Variants in GABBR2 observed in about 807,000 individuals in gnomAD.
The protein encoded by GABBR2 is gamma-aminobutyric acid type B receptor subunit 2.
Under a neutral mutation model 105.6 loss-of-function variants are expected in GABBR2, and 23 were observed. The ratio of observed to expected loss-of-function variants is 0.22; its 90% CI spans 0.16 to 0.31. The LOEUF (loss-of-function observed/expected upper bound fraction) is 0.31, where lower values mean the gene tolerates loss of function less well. GABBR2 is among the 10% of genes least tolerant of loss of function. The probability of loss-of-function intolerance (pLI) is 1.00; values close to 1 mark genes in which losing one functional copy is unlikely to be tolerated. For missense variants in GABBR2, 734 were observed against 1,245.5 expected (o/e 0.59, Z 6.18); for synonymous variants, 478 against 499.7 (o/e 0.96, Z 0.58).
chr9:98,498,683 A>G (rs914499262), intron 3 of GABBR2, among the ~76,000 whole-genome samples: 1 of 152,260 alleles, frequency 6.6e-6, no homozygotes. Flanking sequence ...TTGTAAAAAG[A>G]AAGATGCTGT....
At chr9:98,512,102 C>T (rs1460584144) in intron 3 of GABBR2, among the ~76,000 whole-genome samples, 2 of 151,956 alleles carry the variant, frequency 1.3e-5, no homozygotes, top group Admixed American at 1.3e-4. Flanking sequence ...GCTGGTTCAA[C>T]ATATGAAAAT....
At position 98,290,361 on chromosome 9, in the gene GABBR2, C is replaced by T. The variant is rs991191909; in HGVS notation, c.*223G>A. 7 of 237,058 alleles carry T rather than the reference C, an allele frequency of 3.0e-5. No homozygotes were observed. The highest frequency in any genetic ancestry group is 5.7e-5 in the Non-Finnish European group (7 of 123,656). The allele number at this position is 237,058 out of a possible 1,614,324, so 14.7% of individuals were successfully genotyped here. A position where few individuals can be genotyped will look rare whatever the true frequency, so the allele number is the denominator to read the frequency against. On this transcript the variant is annotated 3_prime_UTR_variant, in exon 19 of 19. Transcript: ENST00000259455. ...AGGAAGACGTCCCATTTCCGTTCCTCTTCTTTGTGAAGAAATAAGGACTTC... is the reference window on the plus strand; with the variant it reads ...AGGAAGACGTCCCATTTCCGTTCCTTTTCTTTGTGAAGAAATAAGGACTTC...
At chr9:98,312,784 C>T (rs1830655907) in intron 13 of GABBR2, among the ~76,000 whole-genome samples, 1 of 152,112 alleles carries the variant, frequency 6.6e-6, no homozygotes, top group Non-Finnish European at 1.5e-5. Flanking sequence ...GATAGAGTCT[C>T]TGTCACCCAG....
chr9:98,667,623 C>T (rs1588275708), intron 1 of GABBR2, among the ~76,000 whole-genome samples: 1 of 152,190 alleles, frequency 6.6e-6, no homozygotes, highest in East Asian at 1.9e-4. Flanking sequence ...CAGCTGAGGC[C>T]TCTGCTGCAA....
intron 3 of GABBR2, among the ~76,000 whole-genome samples, chr9:98,524,544 T>C (rs1827924047): frequency 6.6e-6 from 1 of 152,194 alleles, no homozygotes; most frequent in Non-Finnish European, 1.5e-5. Flanking sequence ...GTTGACCCCC[T>C]TCATGGAAAC....
At chr9:98,450,398 G>A (rs984006148) in intron 7 of GABBR2, among the ~76,000 whole-genome samples, 8 of 151,942 alleles carry the variant, frequency 5.3e-5, no homozygotes, top group South Asian at 2.1e-4. Context: ...CAATTTTAAC[G>A]AAACCTGTCT....
intron 1 of GABBR2, among the ~76,000 whole-genome samples, chr9:98,699,290 C>A (rs901714603): frequency 6.6e-6 from 1 of 152,048 alleles, no homozygotes; most frequent in African/African-American, 2.4e-5. Context: ...TTGTCAGAGA[C>A]GAAGAAAATG....
intron 3 of GABBR2, among the ~76,000 whole-genome samples, chr9:98,512,702 T>C (rs1169364897): frequency 2.6e-5 from 4 of 151,982 alleles, no homozygotes; most frequent in East Asian, 1.9e-4. Flanking sequence ...TTACAAGGGA[T>C]GTGAAGGACC....
In GABBR2 at chr9:98,388,684, CA is replaced by C. The variant is rs1832122393; in HGVS notation, c.1529+169del. On this transcript the variant is annotated intron_variant, in intron 10 of 18. Transcript: ENST00000259455. The surrounding 1 kb of genome is among the most constrained non-coding windows in gnomAD (Gnocchi z 4.4). Reference sequence around the variant, plus strand: ...GTGCGTGCACGCACACACACGTACTCACATGCATGTAACACCTACAACATCC... The same window carrying C: ...GTGCGTGCACGCACACACACGTACTCCATGCATGTAACACCTACAACATCC... Among the ~76,000 whole-genome samples, 1 of 151,406 alleles carries C rather than the reference CA, an allele frequency of 6.6e-6. No homozygotes were observed. Among genetic ancestry groups the C allele is most frequent in the South Asian group, 2.1e-4 (1 of 4,786 alleles).
chr9:98,484,245 C>G (rs1826992330), intron 4 of GABBR2, among the ~76,000 whole-genome samples: 1 of 152,186 alleles, frequency 6.6e-6, no homozygotes, highest in African/African-American at 2.4e-5. Context: ...GTTGCAAGGA[C>G]CACTTTGTTC....
intron 16 of GABBR2, among the ~76,000 whole-genome samples, chr9:98,301,822 C>A (rs1186494576): frequency 6.6e-6 from 1 of 152,104 alleles, no homozygotes; most frequent in Non-Finnish European, 1.5e-5. Flanking sequence ...CTTTGGGGGA[C>A]AGAAACCCTT....
At chr9:98,558,833 G>A (rs898220490) in intron 2 of GABBR2, among the ~76,000 whole-genome samples, 2 of 152,184 alleles carry the variant, frequency 1.3e-5, no homozygotes, top group African/African-American at 4.8e-5. Flanking sequence ...AAGCACTCAG[G>A]GATCTGAACC....
chr9:98,445,014 ATTAT>A (rs1826101174), intron 7 of GABBR2, among the ~76,000 whole-genome samples: 1 of 152,200 alleles, frequency 6.6e-6, no homozygotes, highest in Non-Finnish European at 1.5e-5. Flanking sequence ...GTCAGTTCTG[ATTAT>A]TTATCGGGTT....
intron 1 of GABBR2, among the ~76,000 whole-genome samples, chr9:98,596,453 C>T (rs16917637): frequency 0.097 from 14,798 of 152,114 alleles, 1,996 homozygotes; most frequent in African/African-American, 0.31. Flanking sequence ...GTTCCCTTCT[C>T]GGGCTTCACA....
At chr9:98,654,696 A>T (rs146052970) in intron 1 of GABBR2, among the ~76,000 whole-genome samples, 4,192 of 152,290 alleles carry the variant, frequency 0.028, 61 homozygotes, top group African/African-American at 0.034. Flanking sequence ...GTCCAAGAGG[A>T]GAGAACTACA....
At chr9:98,325,277 GCAATT>G (rs796223161) in intron 13 of GABBR2, among the ~76,000 whole-genome samples, 29 of 140,610 alleles carry the variant, frequency 2.1e-4, no homozygotes, top group African/African-American at 7.2e-4. Context: ...CTCTAGGACA[GCAATT>G]CTTTTTTTTT....
intron 1 of GABBR2, among the ~76,000 whole-genome samples, chr9:98,698,238 A>C (rs1016630856): frequency 2.0e-5 from 3 of 152,240 alleles, no homozygotes; most frequent in Non-Finnish European, 4.4e-5. Context: ...TGCTTCCGCC[A>C]GCAGCTGTGG....
rs983937598 is a variant in GABBR2 at position 98,289,545 on chromosome 9, C to T, written c.*1039G>A. The T allele has an allele frequency of 2.6e-5, 4 of 152,426 alleles. No individual in the cohort carries two copies. Among genetic ancestry groups the T allele is most frequent in the African/African-American group, 9.7e-5 (4 of 41,370 alleles). 9.4% of individuals were successfully genotyped at this position (152,426 alleles called of 1,614,324 possible). A position where few individuals can be genotyped will look rare whatever the true frequency, so the allele number is the denominator to read the frequency against. Reference sequence around the variant, plus strand: ...GCTGCCTTCTGGAAGCCAAGGGAAGCCCTCAGCCAGCAACTCTCTCCCCTA... The same window carrying T: ...GCTGCCTTCTGGAAGCCAAGGGAAGTCCTCAGCCAGCAACTCTCTCCCCTA... On this transcript the variant is annotated 3_prime_UTR_variant, in exon 19 of 19. Coordinates refer to ENST00000259455, the MANE Select transcript of GABBR2 (RefSeq NM_005458.8).
At chr9:98,499,936 C>T (rs2808560) in intron 3 of GABBR2, among the ~76,000 whole-genome samples, 8,120 of 152,258 alleles carry the variant, frequency 0.053, 313 homozygotes, top group South Asian at 0.13. Context: ...GCCTGTAATC[C>T]CAGCTACTTG....
Sources: allele counts gnomAD v4.1 joint callset (sites outside exome capture counted in the v4.1 genomes callset), GRCh38; gene constraint gnomAD v4.1.1; non-coding constraint Gnocchi (gnomAD v3.1); transcripts MANE v1.5; gene names NCBI Gene and HGNC (gene_info 2026-07-23, HGNC 2026-07-21).